The following AGBL4 variants were observed in gnomAD, a reference collection of about 807,000 sequenced individuals.
The protein encoded by AGBL4 is AGBL carboxypeptidase 4.
A neutral mutation model predicts 66.4 loss-of-function variants in AGBL4; 58 were observed. The observed-to-expected ratio is 0.87, with a 90% confidence interval of 0.71 to 1.09. The LOEUF (loss-of-function observed/expected upper bound fraction) is 1.09. AGBL4 is among the 50% of genes least tolerant of loss of function. AGBL4 has a pLI of 0.00. For synonymous variants in AGBL4, 234 were observed against 222.9 expected, an observed-to-expected ratio of 1.05 and a Z score of -0.44; for missense variants, 579 against 631.0, an observed-to-expected ratio of 0.92 and a Z score of 0.88.
At chr1:49,719,692 C>G (rs1198945708) in intron 2 of AGBL4, among the ~76,000 whole-genome samples, 1 of 152,076 alleles carries the variant, frequency 6.6e-6, no homozygotes, top group Non-Finnish European at 1.5e-5. Flanking sequence ...TTGGCTGTGT[C>G]CCCACCCAAA....
intron 1 of AGBL4, among the ~76,000 whole-genome samples, chr1:49,991,083 G>A (rs1659906505): frequency 6.6e-6 from 1 of 152,118 alleles, no homozygotes. Context: ...AAAAGTCTAT[G>A]AGTGAAATAC....
chr1:48,839,511 A>G (rs577154668), intron 6 of AGBL4, among the ~76,000 whole-genome samples: 1 of 152,140 alleles, frequency 6.6e-6, no homozygotes, highest in Non-Finnish European at 1.5e-5. Context: ...CTTGTATGTG[A>G]GAGCTAAAAA....
chr1:48,570,772 A>G (rs1208200527), intron 11 of AGBL4, among the ~76,000 whole-genome samples: 2 of 152,126 alleles, frequency 1.3e-5, no homozygotes, highest in Non-Finnish European at 2.9e-5. Flanking sequence ...ACTATCACTA[A>G]AGTGCTTAGC....
At chr1:49,595,122 G>A (rs753908949) in intron 3 of AGBL4, among the ~76,000 whole-genome samples, 38 of 151,698 alleles carry the variant, frequency 2.5e-4, no homozygotes, top group Non-Finnish European at 5.2e-4. Flanking sequence ...ATGGAGTCTC[G>A]CTGTCACCCA....
At chr1:49,588,813 C>G (rs1346990330) in intron 3 of AGBL4, among the ~76,000 whole-genome samples, 1 of 152,144 alleles carries the variant, frequency 6.6e-6, no homozygotes, top group African/African-American at 2.4e-5. Context: ...TAAGTCATTA[C>G]TGAAACAACC....
intron 3 of AGBL4, among the ~76,000 whole-genome samples, chr1:49,553,271 C>G (rs1423525792): frequency 1.3e-5 from 2 of 152,196 alleles, no homozygotes; most frequent in Non-Finnish European, 2.9e-5. Context: ...ATACATCTCT[C>G]TGTTCTTTAC....
chr1:48,878,473 G>A (rs576511678), intron 5 of AGBL4, among the ~76,000 whole-genome samples: 5 of 152,250 alleles, frequency 3.3e-5, no homozygotes, highest in South Asian at 2.1e-4. Flanking sequence ...AACAAAACTC[G>A]CCTACGAGTA....
At chr1:49,309,111 A>G (rs2148457651) in intron 3 of AGBL4, among the ~76,000 whole-genome samples, 1 of 152,280 alleles carries the variant, frequency 6.6e-6, no homozygotes, top group South Asian at 2.1e-4. Flanking sequence ...CAGAAACAAT[A>G]AAAGGCTGGA....
chr1:49,489,873 C>T (rs1167299), intron 3 of AGBL4, among the ~76,000 whole-genome samples: 2,636 of 151,606 alleles, frequency 0.017, 79 homozygotes, highest in African/African-American at 0.051. Context: ...TCTTTTCTAT[C>T]GGTTTATGTG....
chr1:49,093,098 A>G (rs1225032244), intron 4 of AGBL4, among the ~76,000 whole-genome samples: 2 of 152,120 alleles, frequency 1.3e-5, no homozygotes, highest in Admixed American at 6.6e-5. Context: ...ACTAATTATC[A>G]CCAATAATTA....
intron 2 of AGBL4, among the ~76,000 whole-genome samples, chr1:49,709,486 T>C (rs1647468236): frequency 6.6e-6 from 1 of 152,124 alleles, no homozygotes; most frequent in Non-Finnish European, 1.5e-5. Flanking sequence ...ATCTAGGAAA[T>C]ACCATTCAGG....
At chr1:48,959,017 C>T (rs1657733090) in intron 5 of AGBL4, among the ~76,000 whole-genome samples, 1 of 152,152 alleles carries the variant, frequency 6.6e-6, no homozygotes, top group Admixed American at 6.6e-5. Flanking sequence ...TGAATCTTAG[C>T]CTTTAGCATC....
chr1:49,903,725 T>C (rs1409389437), intron 1 of AGBL4, among the ~76,000 whole-genome samples: 1 of 152,122 alleles, frequency 6.6e-6, no homozygotes, highest in Non-Finnish European at 1.5e-5. Context: ...ATAATAATTA[T>C]AGTGATAAAT....
intron 4 of AGBL4, among the ~76,000 whole-genome samples, chr1:49,173,770 A>G (rs1646780937): frequency 6.6e-6 from 1 of 152,180 alleles, no homozygotes; most frequent in Middle Eastern, 3.2e-3. Context: ...TAAGTGAACC[A>G]TGTGGATCTC....
At chr1:48,611,451 A>C (rs1457628311) in intron 9 of AGBL4, among the ~76,000 whole-genome samples, 1 of 152,220 alleles carries the variant, frequency 6.6e-6, no homozygotes, top group African/African-American at 2.4e-5. Context: ...TGCAGGGACA[A>C]TTACTTTTAT....
intron 6 of AGBL4, among the ~76,000 whole-genome samples, chr1:48,828,834 T>C (rs1352691904): frequency 1.3e-5 from 2 of 152,200 alleles, no homozygotes; most frequent in South Asian, 2.1e-4. Context: ...ATCATTATCA[T>C]AGAAGTAACT....
chr1:49,544,571 A>G (rs768228697), intron 3 of AGBL4, among the ~76,000 whole-genome samples: 1 of 152,240 alleles, frequency 6.6e-6, no homozygotes, highest in Non-Finnish European at 1.5e-5. Flanking sequence ...ACTAAGCACT[A>G]AACAAAATAC....
At chr1:48,652,278 C>G (rs1645943480) in intron 8 of AGBL4, among the ~76,000 whole-genome samples, 1 of 152,104 alleles carries the variant, frequency 6.6e-6, no homozygotes, top group African/African-American at 2.4e-5. Flanking sequence ...GTGGCCAATT[C>G]TGTTTAGGGT....
chr1:49,555,943 A>C (rs887364404), intron 3 of AGBL4, among the ~76,000 whole-genome samples: 2 of 152,180 alleles, frequency 1.3e-5, no homozygotes, highest in African/African-American at 4.8e-5. Flanking sequence ...ACTGTAAACT[A>C]GTTCAACCAT....
Sources: gnomAD v4.1 joint callset for allele counts (sites outside exome capture counted in the v4.1 genomes callset) on GRCh38, gnomAD v4.1.1 for gene constraint, MANE v1.5 for transcripts, NCBI Gene and HGNC (gene_info 2026-07-23, HGNC 2026-07-21) for gene names.